The following PRDM16 variants were observed in gnomAD, a reference collection of about 807,000 sequenced individuals.
The protein encoded by PRDM16 is PR/SET domain 16.
A neutral mutation model predicts 110.6 loss-of-function variants in PRDM16; 23 were observed. The observed-to-expected ratio is 0.21, with a 90% CI of 0.15 to 0.29. The LOEUF (loss-of-function observed/expected upper bound fraction) is 0.29. Among genes scored for constraint, PRDM16 ranks in the 10% least tolerant of loss-of-function variants. The pLI is 1.00. For synonymous variants in PRDM16, 799 were observed against 781.8 expected (o/e 1.02, Z -0.37); for missense variants, 1,615 against 1,794.3 (o/e 0.90, Z 1.81).
At chr1:3,373,345 C>T (rs1284205319) in intron 3 of PRDM16, among the ~76,000 whole-genome samples, 1 of 152,218 alleles carries the variant, frequency 6.6e-6, no homozygotes, top group Non-Finnish European at 1.5e-5. Context: ...GAGAGCCCCG[C>T]CCCAGCGTGC....
At chr1:3,323,548 G>A (rs575022574) in intron 3 of PRDM16, among the ~76,000 whole-genome samples, 11 of 152,340 alleles carry the variant, frequency 7.2e-5, no homozygotes, top group East Asian at 1.9e-4. Flanking sequence ...GAGGAAGTCC[G>A]TGAGGATCAG....
intron 1 of PRDM16, among the ~76,000 whole-genome samples, chr1:3,078,078 T>G (rs191045235): frequency 6.6e-6 from 1 of 152,230 alleles, no homozygotes. Flanking sequence ...TGTTGGCACG[T>G]GCCACTTTTT....
chr1:3,298,306 A>C (rs1389231115), intron 3 of PRDM16, among the ~76,000 whole-genome samples: 1 of 152,176 alleles, frequency 6.6e-6, no homozygotes, highest in African/African-American at 2.4e-5. Context: ...GGTTCTGAGC[A>C]CTCAGAGCCT....
intron 1 of PRDM16, among the ~76,000 whole-genome samples, chr1:3,100,367 C>T (rs1642502746): frequency 6.6e-6 from 1 of 152,220 alleles, no homozygotes; most frequent in Admixed American, 6.5e-5. Context: ...ACTGGGTCCT[C>T]TCTTCCAGTG....
Position 3,252,605 on chromosome 1 carries a change from C to G in PRDM16, c.438+8468C>G, listed in dbSNP as rs1639960334. 2.0e-5 allele frequency among the ~76,000 whole-genome samples: 3 copies of G among 152,154 alleles called. No individual in the cohort carries two copies. The South Asian group carries it at 6.2e-4, about 32-fold the overall frequency. ...CCTGCTGTTAGAGAAAGCGCCTGCC[C>G]TGGGGGTGGGGCTGGTGGGCAGCAG... On this transcript the variant is annotated intron_variant, in intron 3 of 16. Transcript: ENST00000270722.
chr1:3,191,759 G>T (rs1260503765), intron 2 of PRDM16, among the ~76,000 whole-genome samples: 1 of 152,170 alleles, frequency 6.6e-6, no homozygotes, highest in Non-Finnish European at 1.5e-5. Flanking sequence ...TGGGGTGAGG[G>T]CAGCCCAGCC....
At chr1:3,230,071 G>C (rs1639373435) in intron 2 of PRDM16, among the ~76,000 whole-genome samples, 1 of 152,226 alleles carries the variant, frequency 6.6e-6, no homozygotes, top group East Asian at 1.9e-4. Flanking sequence ...TCCCCCTGCA[G>C]CTCTCTGGGA....
rs1643869146 is a variant in PRDM16, at chr1:3,157,581, G to A, written c.38-28544G>A. On this transcript the variant is annotated intron_variant, in intron 1 of 16. Coordinates refer to ENST00000270722, the MANE Select transcript of PRDM16 (RefSeq NM_022114.4). The surrounding 1 kb of genome is among the most constrained non-coding windows in gnomAD (Gnocchi z 4.8). ...AAAAGAGACTGTAGGTTACAGAGAA[G>A]TCATGGGTGGGGAATTACAGGGAAA... 6.6e-6 allele frequency among the ~76,000 whole-genome samples: 1 copy of A among 152,164 alleles called. No individual in the cohort carries two copies. Among genetic ancestry groups the A allele is most frequent in the South Asian group, 2.1e-4 (1 of 4,826 alleles).
At chr1:3,381,590 C>T (rs1179816698) in intron 3 of PRDM16, among the ~76,000 whole-genome samples, 1 of 152,020 alleles carries the variant, frequency 6.6e-6, no homozygotes, top group Non-Finnish European at 1.5e-5. Context: ...GGGGTTTCCC[C>T]ATGTTGGCCA....
At chr1:3,095,212 C>T (rs1458600937) in intron 1 of PRDM16, among the ~76,000 whole-genome samples, 1 of 152,250 alleles carries the variant, frequency 6.6e-6, no homozygotes, top group Admixed American at 6.5e-5. Flanking sequence ...CAGTCCAAAC[C>T]ATGCTGGCAC....
intron 4 of PRDM16, among the ~76,000 whole-genome samples, chr1:3,395,254 CAG>C (rs1245937345): frequency 6.6e-6 from 1 of 152,180 alleles, no homozygotes; most frequent in Non-Finnish European, 1.5e-5. Flanking sequence ...TGTCCAGCCA[CAG>C]ACCCCAGCCA....
intron 2 of PRDM16, among the ~76,000 whole-genome samples, chr1:3,236,871 C>T (rs975703758): frequency 2.6e-5 from 4 of 152,202 alleles, no homozygotes; most frequent in African/African-American, 9.6e-5. Flanking sequence ...GCCAAGTACC[C>T]AGTGCGGAGC....
chr1:3,436,967 A>ACCCCAGC lies in PRDM16; in HGVS notation c.*3164_*3170dup, dbSNP rs2100713162. 4.6e-6 allele frequency: 1 copy of ACCCCAGC among 218,356 alleles called. No individual in the cohort carries two copies. The highest frequency in any genetic ancestry group is 6.4e-5 in the East Asian group (1 of 15,696). 13.5% of individuals were successfully genotyped at this position (218,356 alleles called of 1,614,324 possible). ...GCACCTGCCCTCCGCTGCTCCTCAG[A>ACCCCAGC]CCCCAGCCCCCAGCGAGCCGACGTC... On this transcript the variant is annotated 3_prime_UTR_variant, in exon 17 of 17. Coordinates refer to ENST00000270722, the MANE Select transcript of PRDM16 (RefSeq NM_022114.4).
rs558886621 is a variant in PRDM16, at chr1:3,167,112, G to T, written c.38-19013G>T. On this transcript the variant is annotated intron_variant, in intron 1 of 16. Coordinates refer to ENST00000270722, the MANE Select transcript of PRDM16 (RefSeq NM_022114.4). ...TGGCAGGGAAGGCTCAGCTGGTGCT[G>T]GTCTACATGGCTACTACTACTACCA... Among the ~76,000 whole-genome samples the T allele has an allele frequency of 7.9e-5, 12 of 152,246 alleles. No individual in the cohort carries two copies. In the East Asian group the frequency reaches 2.3e-3, roughly 30 times the overall value.
At chr1:3,078,969 G>A (rs984423145) in intron 1 of PRDM16, among the ~76,000 whole-genome samples, 2 of 152,262 alleles carry the variant, frequency 1.3e-5, no homozygotes, top group Admixed American at 6.5e-5. Context: ...ATATCAGTCC[G>A]TAAAACATTT....
Position 3,244,129 on chromosome 1 carries a change from A to G in PRDM16, c.430A>G (p.Ile144Val), listed in dbSNP as rs1283424828. Residue 144 changes from isoleucine to valine, a missense_variant, in exon 3 of 17, where the codon ATC becomes GTC. Coordinates refer to ENST00000270722, the MANE Select transcript of PRDM16 (RefSeq NM_022114.4). The surrounding 1 kb of genome is among the most constrained non-coding windows in gnomAD (Gnocchi z 4.1). ...DVEVSPQEGCITKISEDLGSE... is the reference protein window; with the variant it reads ...DVEVSPQEGCVTKISEDLGSE... ...GGAAGTGTCGCCCCAGGAAGGCTGC[A>G]TCACAAAGGTAGGAGAGCTCGCCCT... The G allele has an allele frequency of 1.9e-6, 3 of 1,613,794 alleles. No individual in the cohort carries two copies. The highest frequency in any genetic ancestry group is 2.2e-5 in the South Asian group (2 of 91,086).
At position 3,266,435 on chromosome 1, in the gene PRDM16, C is replaced by T. The variant is rs561921177; in HGVS notation, c.438+22298C>T. Among the ~76,000 whole-genome samples, 36 of 152,278 alleles carry T rather than the reference C, an allele frequency of 2.4e-4. No individual in the cohort carries two copies. The Middle Eastern group carries it at 0.01, about 43-fold the overall frequency. On this transcript the variant is annotated intron_variant, in intron 3 of 16. Coordinates refer to ENST00000270722, the MANE Select transcript of PRDM16 (RefSeq NM_022114.4). ...CTCAGTAGACGCGAATTAATTCTCT[C>T]CCCCTGAGAGCCCCAGAGAGACTGG... is the stretch of plus-strand genomic sequence containing the variant.
At chr1:3,149,372 G>A (rs75555620) in intron 1 of PRDM16, among the ~76,000 whole-genome samples, 4 of 152,260 alleles carry the variant, frequency 2.6e-5, no homozygotes, top group Non-Finnish European at 4.4e-5. Context: ...GGCCAGAGTC[G>A]GATGGGGAGA....
At chr1:3,360,486 C>A (rs113308990) in intron 3 of PRDM16, among the ~76,000 whole-genome samples, 2,142 of 152,276 alleles carry the variant, frequency 0.014, 43 homozygotes, top group African/African-American at 0.047. Flanking sequence ...TGCCAGTGAG[C>A]CCCCAGCAGA....
Sources: gnomAD v4.1 joint callset for allele counts (sites outside exome capture counted in the v4.1 genomes callset) on GRCh38, gnomAD v4.1.1 for gene constraint, Gnocchi (gnomAD v3.1) non-coding constraint, MANE v1.5 for transcripts, NCBI Gene and HGNC (gene_info 2026-07-23, HGNC 2026-07-21) for gene names.